Variants in GPC6 observed in about 807,000 individuals in gnomAD.
The protein encoded by GPC6 is glypican-6.
A neutral mutation model predicts 55.2 loss-of-function variants in GPC6; 14 were observed. The ratio of observed to expected loss-of-function variants is 0.25; its 90% CI spans 0.17 to 0.40. GPC6 has a LOEUF of 0.40. Ranked by LOEUF, GPC6 falls within the 10% of genes least tolerant of loss-of-function variation. The probability of loss-of-function intolerance (pLI) is 1.00; values close to 1 mark genes in which losing one functional copy is unlikely to be tolerated. For synonymous variants in GPC6, 278 were observed against 259.6 expected, an observed-to-expected ratio of 1.07 and a Z score of -0.68; for missense variants, 641 against 708.5, an observed-to-expected ratio of 0.90 and a Z score of 1.08.
intron 2 of GPC6, among the ~76,000 whole-genome samples, chr13:93,637,089 G>A (rs1409775771): frequency 6.6e-6 from 1 of 152,044 alleles, no homozygotes; most frequent in Admixed American, 6.6e-5. Context: ...TGTTTATTTG[G>A]AGGGGATGGG....
chr13:93,382,092 T>C (rs1225678071), intron 1 of GPC6, among the ~76,000 whole-genome samples: 1 of 152,154 alleles, frequency 6.6e-6, no homozygotes, highest in Non-Finnish European at 1.5e-5. Flanking sequence ...AGATTTCAAC[T>C]TGTCCAAAGT....
At chr13:93,305,610 T>C (rs1188071639) in intron 1 of GPC6, among the ~76,000 whole-genome samples, 6 of 152,198 alleles carry the variant, frequency 3.9e-5, no homozygotes, top group Non-Finnish European at 7.3e-5. Context: ...AAGTCTCTTA[T>C]TTTTTGAATA....
chr13:93,427,771 A>G (rs1283741442), intron 1 of GPC6, among the ~76,000 whole-genome samples: 2 of 152,118 alleles, frequency 1.3e-5, no homozygotes, highest in African/African-American at 2.4e-5. Flanking sequence ...AGCACACACA[A>G]TAGTCCGTTC....
chr13:93,892,855 C>T (rs1316538956), intron 3 of GPC6, among the ~76,000 whole-genome samples: 1 of 152,096 alleles, frequency 6.6e-6, no homozygotes, highest in Admixed American at 6.6e-5. Flanking sequence ...AGCCACTCAG[C>T]CTCCCCAGCA....
intron 1 of GPC6, among the ~76,000 whole-genome samples, chr13:93,278,699 A>C (rs1318304748): frequency 6.6e-6 from 1 of 152,208 alleles, no homozygotes; most frequent in Non-Finnish European, 1.5e-5. Flanking sequence ...AGCAAAGAAA[A>C]ATATTTTATA....
In GPC6 at chr13:94,161,471, A is replaced by G. The variant is rs187506248; in HGVS notation, c.878-124878A>G. On this transcript the variant is annotated intron_variant, in intron 4 of 8. Coordinates refer to ENST00000377047, the MANE Select transcript of GPC6 (RefSeq NM_005708.5). ...TTTCTAATGTGCTGTGGCCATTTAC[A>G]TGTCTTATTAGCATGTTGACATATA... 2.0e-3 allele frequency among the ~76,000 whole-genome samples: 305 copies of G among 152,332 alleles called. 1 individual carries two copies. The highest frequency in any genetic ancestry group is 7.0e-3 in the African/African-American group (290 of 41,574).
intron 4 of GPC6, among the ~76,000 whole-genome samples, chr13:94,070,691 C>G (rs1053267366): frequency 4.6e-5 from 7 of 152,162 alleles, no homozygotes; most frequent in Non-Finnish European, 1.0e-4. Flanking sequence ...TATTTTGAAT[C>G]AACACAAGGA....
intron 3 of GPC6, among the ~76,000 whole-genome samples, chr13:93,929,803 A>G (rs949994039): frequency 2.6e-5 from 4 of 152,002 alleles, no homozygotes; most frequent in African/African-American, 9.7e-5. Flanking sequence ...TTTAAAAGAA[A>G]GAAGGAGGGA....
chr13:93,453,107 G>C (rs1878289719), intron 1 of GPC6, among the ~76,000 whole-genome samples: 2 of 152,176 alleles, frequency 1.3e-5, no homozygotes, highest in South Asian at 4.1e-4. Flanking sequence ...AACATTTGAG[G>C]ATTATTTTGT....
chr13:94,097,223 C>T (rs1244832979), intron 4 of GPC6, among the ~76,000 whole-genome samples: 1 of 152,042 alleles, frequency 6.6e-6, no homozygotes, highest in Non-Finnish European at 1.5e-5. Context: ...GGCAATTGGG[C>T]AGGGCGCGGT....
intron 4 of GPC6, among the ~76,000 whole-genome samples, chr13:94,072,813 G>T (rs1884783709): frequency 6.6e-6 from 1 of 152,232 alleles, no homozygotes; most frequent in Non-Finnish European, 1.5e-5. Flanking sequence ...TGTGCTTAAT[G>T]TACTTTGGGG....
At chr13:93,550,663 G>T (rs1265580062) in intron 2 of GPC6, among the ~76,000 whole-genome samples, 1 of 151,958 alleles carries the variant, frequency 6.6e-6, no homozygotes, top group Non-Finnish European at 1.5e-5. Flanking sequence ...TGGCAATAAC[G>T]TAATGATTTT....
At chr13:93,715,129 A>G (rs927977096) in intron 2 of GPC6, among the ~76,000 whole-genome samples, 1 of 151,534 alleles carries the variant, frequency 6.6e-6, no homozygotes, top group Admixed American at 6.6e-5. Flanking sequence ...CTGAATTTCT[A>G]TCTCAGTACT....
intron 1 of GPC6, among the ~76,000 whole-genome samples, chr13:93,428,475 A>G (rs530293406): frequency 6.6e-6 from 1 of 152,282 alleles, no homozygotes; most frequent in African/African-American, 2.4e-5. Flanking sequence ...TTTTCTCTCC[A>G]TTAGAATATC....
At chr13:94,160,461 A>C (rs1309621594) in intron 4 of GPC6, among the ~76,000 whole-genome samples, 1 of 152,222 alleles carries the variant, frequency 6.6e-6, no homozygotes, top group Non-Finnish European at 1.5e-5. Flanking sequence ...CCAATTCAAA[A>C]TGAAAAATGT....
At chr13:94,331,196 C>T (rs1460560157) in intron 6 of GPC6, among the ~76,000 whole-genome samples, 1 of 152,016 alleles carries the variant, frequency 6.6e-6, no homozygotes, top group Non-Finnish European at 1.5e-5. Flanking sequence ...ACCTACGGGC[C>T]GAGCCACCTA....
At chr13:93,510,997 A>ATGTATATATATATATGTG (rs1279972391) in intron 1 of GPC6, among the ~76,000 whole-genome samples, 3 of 44,574 alleles carry the variant, frequency 6.7e-5, no homozygotes, top group African/African-American at 2.2e-4. Context: ...GTATATATAT[A>ATGTATATATATATATGTG]TATATATATT....
At chr13:93,715,646 C>A (rs773909325) in intron 2 of GPC6, among the ~76,000 whole-genome samples, 5 of 151,566 alleles carry the variant, frequency 3.3e-5, no homozygotes, top group Non-Finnish European at 7.4e-5. Flanking sequence ...AGAAAGATAT[C>A]AGTTTCAAGA....
At chr13:94,118,989 A>G in intron 4 of GPC6, among the ~76,000 whole-genome samples, 1 of 62,958 alleles carries the variant, frequency 1.6e-5, no homozygotes. Flanking sequence ...CTGTATATAC[A>G]TTATGTATGT....
Sources: gnomAD v4.1 joint callset for allele counts (sites outside exome capture counted in the v4.1 genomes callset) on GRCh38, gnomAD v4.1.1 for gene constraint, MANE v1.5 for transcripts, NCBI Gene and HGNC (gene_info 2026-07-23, HGNC 2026-07-21) for gene names.